Variants in NTM observed in about 807,000 individuals in gnomAD.
NTM encodes neurotrimin, also known as IgLON family member 2.
A neutral mutation model predicts 42.1 loss-of-function variants in NTM; 13 were observed. The observed-to-expected ratio is 0.31, with a 90% CI of 0.20 to 0.49. NTM has a LOEUF of 0.49. NTM is among the 20% of genes least tolerant of loss of function. The pLI, the probability that NTM is intolerant of heterozygous loss-of-function variation, is 0.99. For synonymous variants in NTM, 187 were observed against 179.2 expected (o/e 1.04, Z -0.35); for missense variants, 373 against 452.8 (o/e 0.82, Z 1.60).
At chr11:131,607,311 C>T (rs538023655) in intron 1 of NTM, among the ~76,000 whole-genome samples, 59 of 152,138 alleles carry the variant, frequency 3.9e-4, no homozygotes, top group Non-Finnish European at 6.5e-4. Context: ...GGAATGGGGC[C>T]CCCATGCCTC....
At chr11:131,411,456 GCT>G (rs1245465191) in intron 1 of NTM, among the ~76,000 whole-genome samples, 1 of 151,724 alleles carries the variant, frequency 6.6e-6, no homozygotes, top group Non-Finnish European at 1.5e-5. Context: ...GGAGAAAAAG[GCT>G]TCCGGATTGA....
At chr11:131,691,938 G>C (rs2074817660) in intron 1 of NTM, among the ~76,000 whole-genome samples, 2 of 152,214 alleles carry the variant, frequency 1.3e-5, no homozygotes, top group Admixed American at 1.3e-4. Flanking sequence ...TATGGCATCT[G>C]ATCGAGAAAA....
chr11:131,553,634 T>A (rs1261678469), intron 1 of NTM, among the ~76,000 whole-genome samples: 4 of 152,218 alleles, frequency 2.6e-5, no homozygotes, highest in African/African-American at 9.6e-5. Flanking sequence ...TACCAAAACC[T>A]TAGAACTGTG....
chr11:132,001,337 T>A (rs1402686246), intron 2 of NTM, among the ~76,000 whole-genome samples: 1 of 152,202 alleles, frequency 6.6e-6, no homozygotes, highest in Non-Finnish European at 1.5e-5. Flanking sequence ...CATAAACATA[T>A]ATAAAGGCTG....
At chr11:131,580,506 T>C (rs529074424) in intron 1 of NTM, among the ~76,000 whole-genome samples, 4 of 152,024 alleles carry the variant, frequency 2.6e-5, no homozygotes, top group African/African-American at 9.6e-5. Flanking sequence ...GAACAAAGGT[T>C]AAGGCACACA....
chr11:132,242,655 G>C (rs2090424582), intron 4 of NTM, among the ~76,000 whole-genome samples: 1 of 152,198 alleles, frequency 6.6e-6, no homozygotes, highest in African/African-American at 2.4e-5. Flanking sequence ...AGTAAAGCAA[G>C]AGCAGCCACA....
intron 1 of NTM, among the ~76,000 whole-genome samples, chr11:131,440,103 C>A (rs1949490985): frequency 6.6e-6 from 1 of 151,680 alleles, no homozygotes; most frequent in African/African-American, 2.4e-5. Context: ...TATTTTCTGT[C>A]ATTTATATTT....
chr11:132,254,517 C>T (rs1045848068), intron 4 of NTM, among the ~76,000 whole-genome samples: 11 of 152,022 alleles, frequency 7.2e-5, no homozygotes, highest in Admixed American at 2.0e-4. Context: ...CTCTGTGCTC[C>T]GCCGTGGCAT....
In NTM at chr11:131,761,809, CAATAAATAAATAAATAAATA is replaced by C. The variant is rs200691057; in HGVS notation, c.83-149721_83-149702del. Among the ~76,000 whole-genome samples the C allele has an allele frequency of 7.7e-3, 1,077 of 139,248 alleles. 7 individuals carry two copies. The highest frequency in any genetic ancestry group is 0.023 in the African/African-American group (849 of 37,518). 91.4% of individuals were successfully genotyped at this position (139,248 alleles called of 152,430 possible). A position where few individuals can be genotyped will look rare whatever the true frequency, so the allele number is the denominator to read the frequency against. ...GGGCAATAAGAGCGAAACTCTGTCT[CAATAAATAAATAAATAAATA>C]AATAAATAAATAAATAAATAAATAA... On this transcript the variant is annotated intron_variant, in intron 1 of 8. Transcript: ENST00000683400.
At chr11:131,462,474 C>A (rs373195898) in intron 1 of NTM, among the ~76,000 whole-genome samples, 21 of 152,166 alleles carry the variant, frequency 1.4e-4, no homozygotes, top group South Asian at 6.2e-4. Context: ...CTAGTGAGGG[C>A]TGGGGTCAGC....
chr11:131,806,232 A>C (rs1449486813), intron 1 of NTM, among the ~76,000 whole-genome samples: 1 of 152,220 alleles, frequency 6.6e-6, no homozygotes, highest in African/African-American at 2.4e-5. Context: ...GTTTTCCACT[A>C]TGGGGCAAGT....
chr11:131,893,109 C>T (rs936906611), intron 1 of NTM, among the ~76,000 whole-genome samples: 2 of 152,148 alleles, frequency 1.3e-5, no homozygotes, highest in Non-Finnish European at 2.9e-5. Context: ...AGGATGTGGA[C>T]ATTGTGGTCT....
chr11:132,049,118 A>T (rs778797661), intron 2 of NTM, among the ~76,000 whole-genome samples: 1 of 152,140 alleles, frequency 6.6e-6, no homozygotes, highest in Non-Finnish European at 1.5e-5. Flanking sequence ...TAGCCTCCTG[A>T]CTTTGAGGCC....
intron 1 of NTM, among the ~76,000 whole-genome samples, chr11:131,651,345 T>C (rs73030302): frequency 0.048 from 7,358 of 152,314 alleles, 250 homozygotes; most frequent in Middle Eastern, 0.12. Flanking sequence ...ACCAACCAGT[T>C]ATTAAAAACA....
intron 2 of NTM, among the ~76,000 whole-genome samples, chr11:132,093,359 A>G (rs1025557821): frequency 1.3e-5 from 2 of 152,192 alleles, no homozygotes; most frequent in African/African-American, 4.8e-5. Context: ...GGCATGAAAC[A>G]CTAGAAAGAG....
At chr11:131,612,981 C>T (rs2137554663) in intron 1 of NTM, among the ~76,000 whole-genome samples, 1 of 152,364 alleles carries the variant, frequency 6.6e-6, no homozygotes, top group East Asian at 1.9e-4. Context: ...TCCATAGCTG[C>T]TACCATTTGA....
intron 1 of NTM, among the ~76,000 whole-genome samples, chr11:131,791,608 C>G (rs1415787680): frequency 6.6e-6 from 1 of 152,212 alleles, no homozygotes; most frequent in African/African-American, 2.4e-5. Context: ...AGCTATGACC[C>G]TGACTTCCAA....
intron 2 of NTM, among the ~76,000 whole-genome samples, chr11:131,932,751 T>C (rs2058769017): frequency 6.6e-6 from 1 of 152,202 alleles, no homozygotes; most frequent in African/African-American, 2.4e-5. Context: ...CACAGGGGAC[T>C]TTCCAGATGC....
At chr11:131,637,600 A>G (rs903802911) in intron 1 of NTM, among the ~76,000 whole-genome samples, 24 of 151,438 alleles carry the variant, frequency 1.6e-4, no homozygotes, top group African/African-American at 5.3e-4. Flanking sequence ...GATAAGTGGC[A>G]ACTATATATC....
Sources: gnomAD v4.1 joint callset for allele counts (sites outside exome capture counted in the v4.1 genomes callset) on GRCh38, gnomAD v4.1.1 for gene constraint, MANE v1.5 for transcripts, NCBI Gene and HGNC (gene_info 2026-07-23, HGNC 2026-07-21) for gene names.